PCDHA1: variants seen among roughly 807,000 people sequenced by gnomAD.
The protein encoded by PCDHA1 is protocadherin alpha-1.
PCDHA1 carries 42 observed loss-of-function variants against 61.3 expected under a neutral mutation model. The ratio of observed to expected loss-of-function variants is 0.69; its 90% CI spans 0.54 to 0.89. The LOEUF is 0.89. PCDHA1 is among the 40% of genes least tolerant of loss of function. The pLI, the probability that PCDHA1 is intolerant of heterozygous loss-of-function variation, is 0.00. For missense variants in PCDHA1, 1,256 were observed against 1,235.3 expected, an observed-to-expected ratio of 1.02 and a Z score of -0.25; for synonymous variants, 610 against 553.8, an observed-to-expected ratio of 1.10 and a Z score of -1.43.
At chr5:140,803,817 T>C in intron 1 of PCDHA1, 1 of 673,370 alleles carries the variant, frequency 1.5e-6, no homozygotes, top group Non-Finnish European at 2.5e-6. Context: ...TGTTTTGTTA[T>C]TAGGTGCAGT....
chr5:140,797,155 G>A, intron 1 of PCDHA1: 1 of 1,613,980 alleles, frequency 6.2e-7, no homozygotes, highest in Non-Finnish European at 8.5e-7. Flanking sequence ...CACCGAGGGT[G>A]CGCGCGCGCC....
chr5:140,925,498 A>G (rs1268906717), intron 1 of PCDHA1, among the ~76,000 whole-genome samples: 1 of 152,124 alleles, frequency 6.6e-6, no homozygotes, highest in East Asian at 1.9e-4. Flanking sequence ...CACTGTCCCA[A>G]TATCCACGCA....
intron 1 of PCDHA1, among the ~76,000 whole-genome samples, chr5:140,960,274 C>A (rs1291069063): frequency 6.6e-6 from 1 of 152,130 alleles, no homozygotes. Context: ...ATTCCGTCAC[C>A]TTTTTGGGAC....
intron 1 of PCDHA1, chr5:140,814,197 T>C (rs2126652727): frequency 6.6e-6 from 1 of 152,576 alleles, no homozygotes; most frequent in Admixed American, 6.5e-5. Flanking sequence ...TTTTTTTATT[T>C]TTTTCACTTT....
chr5:140,882,124 C>T (rs1166492594), intron 1 of PCDHA1: 2 of 1,459,646 alleles, frequency 1.4e-6, no homozygotes, highest in African/African-American at 1.4e-5. Flanking sequence ...CCGTTTCTTT[C>T]TTCCTGCAGA....
chr5:140,972,479 C>G (rs782631191), intron 1 of PCDHA1, among the ~76,000 whole-genome samples: 1 of 151,994 alleles, frequency 6.6e-6, no homozygotes, highest in Non-Finnish European at 1.5e-5. Flanking sequence ...CAGCATTTAA[C>G]CCCAGACTCT....
Position 141,010,647 on chromosome 5 carries a change from GT to G in PCDHA1, c.*714del, listed in dbSNP as rs782752760. ...CATACCTGCAAGCCAACAGTTCAGT[GT>G]TTTAACAGAGAACCACCCTGGGAAA... On this transcript the variant is annotated 3_prime_UTR_variant, in exon 4 of 4. Coordinates refer to ENST00000504120, the MANE Select transcript of PCDHA1 (RefSeq NM_018900.4). 4.6e-5 allele frequency: 8 copies of G among 173,154 alleles called. No homozygotes were observed. Among genetic ancestry groups the G allele is most frequent in the Admixed American group, 1.2e-4 (2 of 16,978 alleles). 10.7% of individuals were successfully genotyped at this position (173,154 alleles called of 1,614,324 possible).
At chr5:141,005,114 G>A (rs2098198000) in intron 3 of PCDHA1, among the ~76,000 whole-genome samples, 2 of 152,042 alleles carry the variant, frequency 1.3e-5, no homozygotes, top group African/African-American at 2.4e-5. Flanking sequence ...TTGTCTTTAG[G>A]GACCCCAAAA....
rs1381238184 is a variant in PCDHA1 at position 140,787,706 on chromosome 5, C to T, written c.1416C>T (p.Cys472=). ...VFVKENNPPG[C]HIFTVSARDA... is the part of the protein sequence containing the mutation. ...TGAAGGAGAACAACCCGCCGGGCTG[C>T]CACATCTTCACGGTGTCTGCGCGGG... Residue 472 remains cysteine, a synonymous_variant, in exon 1 of 4, where the codon TGC becomes TGT. Transcript: ENST00000504120. 4.3e-6 allele frequency: 7 copies of T among 1,613,768 alleles called. No homozygotes were observed. In the South Asian group the frequency reaches 4.4e-5, roughly 10 times the overall value.
At chr5:140,802,050 A>G (rs1554121847) in intron 1 of PCDHA1, 2 of 1,614,200 alleles carry the variant, frequency 1.2e-6, no homozygotes, top group Non-Finnish European at 8.5e-7. Context: ...CAATACGGAC[A>G]TGTCAGCAGA....
intron 1 of PCDHA1, chr5:140,836,942 A>C: frequency 2.2e-6 from 1 of 454,226 alleles, no homozygotes; most frequent in Non-Finnish European, 3.8e-6. Flanking sequence ...CTATAGATCA[A>C]AATCTATGGT....
intron 1 of PCDHA1, among the ~76,000 whole-genome samples, chr5:140,890,187 CAG>C (rs2062529084): frequency 1.3e-5 from 2 of 152,228 alleles, no homozygotes; most frequent in South Asian, 4.1e-4. Context: ...TGCTACAAAA[CAG>C]AGTTTTTTGT....
At position 140,842,785 on chromosome 5, in the gene PCDHA1, G is replaced by A. The variant is rs2150344223; in HGVS notation, c.2394+54101G>A. 4 of 1,594,390 alleles carry A rather than the reference G, an allele frequency of 2.5e-6. 1 individual carries two copies. The highest frequency in any genetic ancestry group is 3.4e-5 in the Admixed American group (2 of 59,288). ...GAGACGCGGACGCGCAGGAGAACGCGCTGGTGTCCTACTCGCTTGTGGAGC... is the reference window on the plus strand; with the variant it reads ...GAGACGCGGACGCGCAGGAGAACGCACTGGTGTCCTACTCGCTTGTGGAGC... On this transcript the variant is annotated intron_variant, in intron 1 of 3. Transcript: ENST00000504120.
In PCDHA1 at chr5:140,842,710, C is replaced by T. The variant is rs2150342683; in HGVS notation, c.2394+54026C>T. On this transcript the variant is annotated intron_variant, in intron 1 of 3. Coordinates refer to ENST00000504120, the MANE Select transcript of PCDHA1 (RefSeq NM_018900.4). ...TCGCGCAGCCCGAGTACACGGTGTT[C>T]GTGAAGGAGAACAACCCGCCGGGCT... The T allele has an allele frequency of 1.4e-5, 23 of 1,595,008 alleles. 3 individuals carry two copies. The Admixed American group carries it at 3.2e-4, about 22-fold the overall frequency.
chr5:140,924,942 GT>G (rs1180985667), intron 1 of PCDHA1, among the ~76,000 whole-genome samples: 3 of 120,862 alleles, frequency 2.5e-5, no homozygotes, highest in African/African-American at 8.7e-5. Context: ...AAAATAAAAA[GT>G]TAAAAAAAAA....
At chr5:140,948,271 T>C (rs1295867135) in intron 1 of PCDHA1, among the ~76,000 whole-genome samples, 4 of 151,646 alleles carry the variant, frequency 2.6e-5, no homozygotes, top group Non-Finnish European at 5.9e-5. Flanking sequence ...TCATGTAGAA[T>C]ATCTGTAAAT....
intron 3 of PCDHA1, among the ~76,000 whole-genome samples, chr5:141,005,884 T>A (rs1554260408): frequency 6.6e-6 from 1 of 151,744 alleles, no homozygotes; most frequent in Non-Finnish European, 1.5e-5. Context: ...GAGTTTGAGG[T>A]TACATCAAGC....
chr5:140,899,050 G>A (rs1554188361), intron 1 of PCDHA1, among the ~76,000 whole-genome samples: 2 of 152,016 alleles, frequency 1.3e-5, no homozygotes, highest in African/African-American at 4.8e-5. Context: ...TGTATCCTGA[G>A]ACTTTGCTGA....
intron 1 of PCDHA1, among the ~76,000 whole-genome samples, chr5:140,826,351 C>T (rs1284883588): frequency 6.6e-6 from 1 of 151,972 alleles, no homozygotes; most frequent in Non-Finnish European, 1.5e-5. Flanking sequence ...CCTTTGTTTG[C>T]CCAAAATAAC....
Sources: allele counts gnomAD v4.1 joint callset (sites outside exome capture counted in the v4.1 genomes callset), GRCh38; gene constraint gnomAD v4.1.1; transcripts MANE v1.5; gene names NCBI Gene and HGNC (gene_info 2026-07-23, HGNC 2026-07-21).